SAMMSON: variants seen among roughly 807,000 people sequenced by gnomAD.
The protein encoded by SAMMSON is long intergenic non-protein coding RNA 1212.
chr3:70,069,405 A>T (rs901218561), intron 3 of SAMMSON: 2 of 152,160 alleles, frequency 1.3e-5, no homozygotes, highest in East Asian at 1.9e-4. Context: ...AAGATCTCAT[A>T]GTGCAGCAAA....
intron 7 of SAMMSON, among the ~76,000 whole-genome samples, chr3:70,352,936 G>A (rs930039225): frequency 2.6e-5 from 4 of 151,916 alleles, no homozygotes; most frequent in Admixed American, 6.6e-5. Flanking sequence ...AAAAATATAC[G>A]TAACTGACTT....
At chr3:70,369,932 T>C (rs1234555692) in intron 9 of SAMMSON, among the ~76,000 whole-genome samples, 1 of 151,908 alleles carries the variant, frequency 6.6e-6, no homozygotes, top group Non-Finnish European at 1.5e-5. Context: ...TAACTGTAGT[T>C]TGTACCCATT....
intron 2 of SAMMSON, among the ~76,000 whole-genome samples, chr3:70,419,198 C>CA (rs1559585667): frequency 6.7e-6 from 1 of 149,310 alleles, no homozygotes; most frequent in Non-Finnish European, 1.5e-5. Context: ...CTAATTATTG[C>CA]GTTTTTTTTT....
intron 2 of SAMMSON, among the ~76,000 whole-genome samples, chr3:70,412,648 T>G (rs559778274): frequency 6.6e-6 from 1 of 152,310 alleles, no homozygotes; most frequent in South Asian, 2.1e-4. Flanking sequence ...TTCCTTTTCC[T>G]GCTTTGATGT....
At chr3:70,190,559 A>C (rs1356711122) in intron 4 of SAMMSON, among the ~76,000 whole-genome samples, 4 of 152,218 alleles carry the variant, frequency 2.6e-5, no homozygotes, top group African/African-American at 9.6e-5. Flanking sequence ...ATTTGACCTA[A>C]TGTTTTCCAA....
chr3:70,009,092 A>G (rs1021198639), intron 1 of SAMMSON: 3 of 152,176 alleles, frequency 2.0e-5, no homozygotes, highest in African/African-American at 7.2e-5. Context: ...ATATTGGTCT[A>G]AGATTCTCTT....
intron 7 of SAMMSON, among the ~76,000 whole-genome samples, chr3:70,331,285 T>G (rs1185991232): frequency 6.6e-6 from 1 of 152,166 alleles, no homozygotes; most frequent in Non-Finnish European, 1.5e-5. Flanking sequence ...CAGTCAAAAC[T>G]TCGTCCCGTG....
Position 70,428,203 on chromosome 3 carries a change from C to A in SAMMSON, n.234-34357C>A, listed in dbSNP as rs77838615. ...AATTGATCTAAAGATTGGATGCAAT[C>A]CATTTATAATGTTAACAGACTTTTT... On this transcript the variant is annotated intron_variant and non_coding_transcript_variant, in intron 2 of 3. Transcript: ENST00000641053. Among the ~76,000 whole-genome samples the A allele has an allele frequency of 2.0e-4, 31 of 152,128 alleles. No homozygotes were observed. In the South Asian group the frequency reaches 6.2e-3, roughly 31 times the overall value.
chr3:70,131,036 A>G (rs1397457436), intron 4 of SAMMSON, among the ~76,000 whole-genome samples: 1 of 152,172 alleles, frequency 6.6e-6, no homozygotes, highest in African/African-American at 2.4e-5. Context: ...ATAAGTATAT[A>G]ACCATTGTTT....
At chr3:70,291,060 C>T (rs140707192) in intron 6 of SAMMSON, 1 of 152,488 alleles carries the variant, frequency 6.6e-6, no homozygotes, top group Non-Finnish European at 1.5e-5. Flanking sequence ...AGAGATGTTC[C>T]TATTCGGCCA....
At chr3:70,337,038 C>A (rs1240287247) in intron 7 of SAMMSON, among the ~76,000 whole-genome samples, 1 of 128,944 alleles carries the variant, frequency 7.8e-6, no homozygotes, top group Non-Finnish European at 1.7e-5. Flanking sequence ...ATAATAATAT[C>A]TAACTTAATA....
chr3:70,354,258 G>A (rs1296277211), exon 8 of SAMMSON: 1 of 152,016 alleles, frequency 6.6e-6, no homozygotes, highest in Non-Finnish European at 1.5e-5. Context: ...ATGAATCTAC[G>A]GTTCCCTCAA....
At chr3:70,160,204 CAAA>C (rs11303853) in intron 4 of SAMMSON, among the ~76,000 whole-genome samples, 7 of 149,540 alleles carry the variant, frequency 4.7e-5, no homozygotes, top group Non-Finnish European at 7.4e-5. Flanking sequence ...CATGTTATAT[CAAA>C]AAAAAAAACC....
intron 4 of SAMMSON, among the ~76,000 whole-genome samples, chr3:70,243,138 T>C (rs141365597): frequency 1.3e-5 from 2 of 152,184 alleles, no homozygotes; most frequent in Non-Finnish European, 2.9e-5. Flanking sequence ...CTATATTGTT[T>C]CCTGTGCCTT....
chr3:70,324,723 T>C (rs1702566541), intron 7 of SAMMSON, among the ~76,000 whole-genome samples: 1 of 152,122 alleles, frequency 6.6e-6, no homozygotes, highest in Non-Finnish European at 1.5e-5. Flanking sequence ...TGATGTGCAG[T>C]GTAATTCATT....
chr3:70,297,485 A>T (rs766895163), intron 7 of SAMMSON, among the ~76,000 whole-genome samples: 26 of 152,124 alleles, frequency 1.7e-4, no homozygotes, highest in Non-Finnish European at 3.2e-4. Context: ...TGACAAATTT[A>T]TATAATCTCT....
At chr3:70,401,931 C>T (rs544069133) in intron 2 of SAMMSON, among the ~76,000 whole-genome samples, 50 of 152,248 alleles carry the variant, frequency 3.3e-4, no homozygotes, top group Middle Eastern at 3.4e-3. Flanking sequence ...TAAAGAAGTG[C>T]TTGTCCTCTT....
At chr3:70,070,287 A>G (rs1336146599) in intron 3 of SAMMSON, 3 of 152,072 alleles carry the variant, frequency 2.0e-5, no homozygotes, top group Non-Finnish European at 4.4e-5. Flanking sequence ...ACAAAATACT[A>G]TTCATTAGAC....
chr3:70,315,036 A>G (rs1210381675), intron 7 of SAMMSON, among the ~76,000 whole-genome samples: 2 of 152,202 alleles, frequency 1.3e-5, no homozygotes, highest in Non-Finnish European at 2.9e-5. Context: ...TTCTTGACTT[A>G]TAAATGCTTT....
Sources: allele counts gnomAD v4.1 joint callset (sites outside exome capture counted in the v4.1 genomes callset), GRCh38; gene constraint gnomAD v4.1.1; transcripts MANE v1.5; gene names NCBI Gene and HGNC (gene_info 2026-07-23, HGNC 2026-07-21).